JMJD7: variants seen among roughly 807,000 people sequenced by gnomAD.
The protein encoded by JMJD7 is bifunctional peptidase and (3S)-lysyl hydroxylase JMJD7.
In JMJD7, 41 loss-of-function variants were observed where a neutral mutation model predicts 41.1. That is an observed-to-expected ratio of 1.00 (90% CI 0.78 to 1.30). JMJD7 has a LOEUF of 1.30. Ranked by LOEUF, JMJD7 falls within the 50% of genes most tolerant of loss-of-function variation. The probability of loss-of-function intolerance (pLI) is 0.00; values close to 1 mark genes in which losing one functional copy is unlikely to be tolerated. For synonymous variants in JMJD7, 202 were observed against 177.2 expected, an observed-to-expected ratio of 1.14 and a Z score of -1.11; for missense variants, 480 against 420.7, an observed-to-expected ratio of 1.14 and a Z score of -1.23.
chr15:41,832,535 G>C (rs1026607279), intron 1 of JMJD7: 1 of 152,388 alleles, frequency 6.6e-6, no homozygotes, highest in Non-Finnish European at 1.5e-5. Flanking sequence ...ATGGGCTGGC[G>C]TGACTGGGAA....
Position 41,834,768 on chromosome 15 carries a change from C to G in JMJD7, c.93C>G (p.Tyr31Ter), listed in dbSNP as rs1567165388. Residue 31 changes from tyrosine to a stop codon, truncating the protein, a stop_gained, in exon 2 of 8, where the codon TAC becomes TAG. Coordinates refer to ENST00000397299, the MANE Select transcript of JMJD7 (RefSeq NM_001114632.2). LOFTEE classifies it high-confidence loss of function. ...RELCVPLAVP[Y>*]LDKPPTPLHF... is the part of the protein sequence containing the mutation. ...TCTGCGTGCCTCTTGCTGTGCCCTA[C>G]CTGGACAAACCCCCAACTCCGCTCC... is the stretch of plus-strand genomic sequence containing the variant. The G allele has an allele frequency of 1.2e-6, 2 of 1,614,198 alleles. No individual in the cohort carries two copies. Among genetic ancestry groups the G allele is most frequent in the Non-Finnish European group, 1.7e-6 (2 of 1,180,038 alleles).
Position 41,837,301 on chromosome 15 carries a change from T to A in JMJD7, c.*145T>A. On this transcript the variant is annotated 3_prime_UTR_variant, in exon 8 of 8. Coordinates refer to ENST00000397299, the MANE Select transcript of JMJD7 (RefSeq NM_001114632.2). ...ATGGCTTGAGATCAGCTTTGGAGGA[T>A]CTTGGAATGTGGTCATAAGGACTCA... The A allele has an allele frequency of 1.6e-6, 1 of 623,096 alleles. No individual in the cohort carries two copies. The highest frequency in any genetic ancestry group is 2.8e-6 in the Non-Finnish European group (1 of 354,510). The allele number at this position is 623,096 out of a possible 1,614,324, so 38.6% of individuals were successfully genotyped here. A position where few individuals can be genotyped will look rare whatever the true frequency, so the allele number is the denominator to read the frequency against.
chr15:41,835,620 G>A lies in JMJD7; in HGVS notation c.505G>A (p.Gly169Arg), dbSNP rs778366870. 121 of 1,613,862 alleles carry A rather than the reference G, an allele frequency of 7.5e-5. 1 individual carries two copies. The South Asian group carries it at 1.2e-3, about 16-fold the overall frequency. ...KMPDAVNFWL[G>R]EAAAVTSLHK... ...GCCCGATGCTGTGAACTTCTGGCTG[G>A]GGGAGGCGGCTGCAGTGACTTCTTG... Residue 169 changes from glycine (G) to arginine (R), a missense_variant, in exon 4 of 8, where the codon GGG becomes AGG. Coordinates refer to ENST00000397299, the MANE Select transcript of JMJD7 (RefSeq NM_001114632.2).
At chr15:41,830,594 C>T (rs1038501825) in intron 1 of JMJD7, among the ~76,000 whole-genome samples, 1 of 152,148 alleles carries the variant, frequency 6.6e-6, no homozygotes, top group Non-Finnish European at 1.5e-5. Flanking sequence ...TAGGAGCAGG[C>T]AGGAGCCCCA....
chr15:41,835,910 T>C (rs2065306203), intron 4 of JMJD7: 1 of 575,130 alleles, frequency 1.7e-6, no homozygotes, highest in Non-Finnish European at 2.9e-6. Context: ...GGGGTAAGTG[T>C]AGGAGAACTT....
chr15:41,835,704 AC>A, intron 4 of JMJD7, 60 bp downstream of exon 4: 1 of 1,576,276 alleles, frequency 6.3e-7, no homozygotes, highest in Non-Finnish European at 8.6e-7. Flanking sequence ...GGGAGGGAAG[AC>A]GAGGCCAGGA....
Position 41,832,283 on chromosome 15 carries a change from G to A in JMJD7, c.65-2457G>A, listed in dbSNP as rs1010667731. ...AGCATGAGCTGAGCACAGCCTGCAGGGCCGAGTGGGCCCAATGGGCCCGAG... is the reference window on the plus strand; with the variant it reads ...AGCATGAGCTGAGCACAGCCTGCAGAGCCGAGTGGGCCCAATGGGCCCGAG... On this transcript the variant is annotated intron_variant, in intron 1 of 7. Coordinates refer to ENST00000397299, the MANE Select transcript of JMJD7 (RefSeq NM_001114632.2). The A allele has an allele frequency of 6.8e-5, 11 of 162,808 alleles. No individual in the cohort carries two copies. The East Asian group carries it at 1.3e-3, about 19-fold the overall frequency. 10.1% of individuals were successfully genotyped at this position (162,808 alleles called of 1,614,324 possible). A position where few individuals can be genotyped will look rare whatever the true frequency, so the allele number is the denominator to read the frequency against.
intron 1 of JMJD7, among the ~76,000 whole-genome samples, chr15:41,833,411 TA>T (rs1198516647): frequency 1.1e-3 from 63 of 56,330 alleles, no homozygotes; most frequent in African/African-American, 2.8e-3. Flanking sequence ...TATATATATA[TA>T]TATTTTTTTT....
Position 41,836,146 on chromosome 15 carries a change from A to G in JMJD7, c.530-2A>G, listed in dbSNP as rs543120752. 32 of 1,589,170 alleles carry G rather than the reference A, an allele frequency of 2.0e-5. No individual in the cohort carries two copies. The East Asian group carries it at 7.2e-4, about 36-fold the overall frequency. On this transcript the variant is annotated splice_acceptor_variant, in intron 4 of 7. Transcript: ENST00000397299. LOFTEE classifies it high-confidence loss of function. ...GCCCCCGGGCCTTCTTTCTGTTGGC[A>G]GTGCACAAGGACCACTATGAGAACC...
At chr15:41,837,017 C>T (rs2065332915) in intron 7 of JMJD7, 51 bp from the exon 8 acceptor site, 2 of 1,609,000 alleles carry the variant, frequency 1.2e-6, no homozygotes, top group South Asian at 1.1e-5. Context: ...GCTTGGGAGG[C>T]TCTAGGTCAG....
rs995421143 is a variant in JMJD7 at position 41,837,433 on chromosome 15, G to C, written c.*277G>C. 2.0e-6 allele frequency: 1 copy of C among 502,850 alleles called. No homozygotes were observed. The highest frequency in any genetic ancestry group is 3.5e-6 in the Non-Finnish European group (1 of 282,974). 31.1% of individuals were successfully genotyped at this position (502,850 alleles called of 1,614,324 possible). On this transcript the variant is annotated 3_prime_UTR_variant, in exon 8 of 8. Coordinates refer to ENST00000397299, the MANE Select transcript of JMJD7 (RefSeq NM_001114632.2). ...TCTCCCCAGCGCTGTGATGTTGGGC[G>C]AGTCACTGCGTCTCGGGCATTGGTG...
At position 41,836,832 on chromosome 15, in the gene JMJD7, A is replaced by G. The variant is rs1359526068; in HGVS notation, c.754A>G (p.Ser252Gly). 4 of 1,612,748 alleles carry G rather than the reference A, an allele frequency of 2.5e-6. No individual in the cohort carries two copies. The highest frequency in any genetic ancestry group is 8.5e-7 in the Non-Finnish European group (1 of 1,179,672). Residue 252 changes from serine to glycine, a missense_variant, in exon 7 of 8, where the codon AGT (serine) becomes GGT (glycine). Coordinates refer to ENST00000397299, the MANE Select transcript of JMJD7 (RefSeq NM_001114632.2). The part of the protein sequence containing the change: ...PLAPDLARYP[S>G]YSQAQALRCT... ...GGCGCCAGACCTAGCACGGTACCCTAGTTACAGTCAGGCCCAGGCCCTTCG... is the reference window on the plus strand; with the variant it reads ...GGCGCCAGACCTAGCACGGTACCCTGGTTACAGTCAGGCCCAGGCCCTTCG...
chr15:41,834,747 C>T lies in JMJD7; in HGVS notation c.72C>T (p.Cys24=), dbSNP rs140704362. The T allele has an allele frequency of 2.9e-5, 47 of 1,613,978 alleles. No homozygotes were observed. In the African/African-American group the frequency reaches 3.3e-4, roughly 11 times the overall value. ...REFPAAAREL[C]VPLAVPYLDK... is the part of the protein sequence containing the mutation. The stretch of plus-strand genomic sequence containing the variant: ...TCTTCTTCTTTCTCTCAGAGCTCTG[C>T]GTGCCTCTTGCTGTGCCCTACCTGG... Residue 24 remains cysteine (C), a synonymous_variant, in exon 2 of 8, where the codon TGC becomes TGT. Coordinates refer to ENST00000397299, the MANE Select transcript of JMJD7 (RefSeq NM_001114632.2).
In JMJD7 at chr15:41,835,642, C is replaced by T. The variant is rs866630950; in HGVS notation, c.527C>T (p.Ser176Phe). The change falls in exon 4 of 8, where the codon TCT (serine) becomes TTT (phenylalanine). Residue 176 changes from serine to phenylalanine, a missense_variant and splice_region_variant. Transcript: ENST00000397299. ...CTGGGGGAGGCGGCTGCAGTGACTTCTTGTAGGTGTAAGGGGAATACAAAG... is the reference window on the plus strand; with the variant it reads ...CTGGGGGAGGCGGCTGCAGTGACTTTTTGTAGGTGTAAGGGGAATACAAAG... ...FWLGEAAAVT[S>F]LHKDHYENLY... 1 of 1,613,440 alleles carries T rather than the reference C, an allele frequency of 6.2e-7. No individual in the cohort carries two copies. The highest frequency in any genetic ancestry group is 8.5e-7 in the Non-Finnish European group (1 of 1,179,652).
intron 5 of JMJD7, 26 bp from the exon 6 acceptor site, chr15:41,836,449 C>A (rs2065318420): frequency 6.4e-7 from 1 of 1,565,168 alleles, no homozygotes; most frequent in Non-Finnish European, 8.7e-7. Flanking sequence ...TGCAATTCCC[C>A]CACACCCTTC....
intron 1 of JMJD7, 85 bp downstream of exon 1, chr15:41,828,273 C>A: frequency 7.1e-7 from 1 of 1,417,452 alleles, no homozygotes. Flanking sequence ...CTCGGAACCT[C>A]GTGTGTGCGA....
At chr15:41,828,320 C>T in intron 1 of JMJD7, 132 bp downstream of exon 1, 3 of 1,106,070 alleles carry the variant, frequency 2.7e-6, no homozygotes, top group South Asian at 2.0e-5. Context: ...TCTTCTGTGG[C>T]AACCTGCTTC....
At chr15:41,836,991 G>C in intron 7 of JMJD7, 51 bp downstream of exon 7, 1 of 1,610,306 alleles carries the variant, frequency 6.2e-7, no homozygotes, top group Non-Finnish European at 8.5e-7. Context: ...AGGTCCAGCA[G>C]GGCCTCTGGG....
intron 5 of JMJD7, 36 bp from the exon 6 acceptor site, chr15:41,836,439 T>G (rs375414359): frequency 1.1e-4 from 174 of 1,561,520 alleles, no homozygotes; most frequent in Non-Finnish European, 1.4e-4. Flanking sequence ...CCAGGCTGTT[T>G]GCAATTCCCC....
Sources: allele counts gnomAD v4.1 joint callset (sites outside exome capture counted in the v4.1 genomes callset), GRCh38; gene constraint gnomAD v4.1.1; transcripts MANE v1.5; gene names NCBI Gene and HGNC (gene_info 2026-07-23, HGNC 2026-07-21).